CEP85L: variants seen among roughly 807,000 people sequenced by gnomAD.
CEP85L encodes the protein centrosomal protein 85L.
Under a neutral mutation model 100.3 loss-of-function variants are expected in CEP85L, and 60 were observed. That is an observed-to-expected ratio of 0.60 (90% CI 0.49 to 0.74). The LOEUF (loss-of-function observed/expected upper bound fraction) is 0.74, where lower values mean the gene tolerates loss of function less well. CEP85L is among the 30% of genes least tolerant of loss of function. The pLI, the probability that CEP85L is intolerant of heterozygous loss-of-function variation, is 0.00. For missense variants in CEP85L, 973 were observed against 936.2 expected (o/e 1.04, Z -0.51); for synonymous variants, 319 against 322.7 (o/e 0.99, Z 0.12).
chr6:118,600,992 G>C (rs1462021297), intron 2 of CEP85L, among the ~76,000 whole-genome samples: 1 of 152,134 alleles, frequency 6.6e-6, no homozygotes, highest in Non-Finnish European at 1.5e-5. Flanking sequence ...AGCATATAAA[G>C]TTGTTTCTTA....
intron 3 of CEP85L, among the ~76,000 whole-genome samples, chr6:118,548,985 C>A (rs1778372964): frequency 6.6e-6 from 1 of 151,916 alleles, no homozygotes; most frequent in Non-Finnish European, 1.5e-5. Context: ...AAAGTCCAGT[C>A]AACTTTTAAC....
chr6:118,637,673 T>G (rs1043282693), intron 1 of CEP85L, among the ~76,000 whole-genome samples: 3 of 109,466 alleles, frequency 2.7e-5, no homozygotes, highest in African/African-American at 1.1e-4. Flanking sequence ...GCCACTACAC[T>G]CCAGCCTGGG....
intron 2 of CEP85L, among the ~76,000 whole-genome samples, chr6:118,580,713 C>A (rs1271833400): frequency 1.3e-5 from 2 of 152,240 alleles, no homozygotes; most frequent in Non-Finnish European, 1.5e-5. Context: ...GACCTCTGGA[C>A]CAGACCCAGC....
At chr6:118,520,256 A>AAATCCACCTTTAATCATTT (rs1197782391) in intron 4 of CEP85L, among the ~76,000 whole-genome samples, 2 of 152,244 alleles carry the variant, frequency 1.3e-5, no homozygotes, top group African/African-American at 4.8e-5. Flanking sequence ...CTGAAAAAGT[A>AAATCCACCTTTAATCATTT]AATCCACCTT....
rs995069281 is a variant in CEP85L at position 118,593,532 on chromosome 6, C to A, written c.233-27216G>T. 2.0e-5 allele frequency among the ~76,000 whole-genome samples: 3 copies of A among 152,038 alleles called. No homozygotes were observed. In the South Asian group the frequency reaches 6.2e-4, roughly 32 times the overall value. On this transcript the variant is annotated intron_variant, in intron 2 of 12. Coordinates refer to ENST00000368491, the MANE Select transcript of CEP85L (RefSeq NM_001042475.3). ...ACCTGATCTTGTGAGAAGTCTATCA[C>A]GAGAACCGCACTAGGGGGATGATGC...
At chr6:118,607,304 C>A (rs950373439) in intron 2 of CEP85L, among the ~76,000 whole-genome samples, 1 of 152,106 alleles carries the variant, frequency 6.6e-6, no homozygotes. Flanking sequence ...GAAAGTATTG[C>A]CTGTGGCAGG....
intron 1 of CEP85L, among the ~76,000 whole-genome samples, chr6:118,643,088 A>G (rs1774979711): frequency 6.6e-6 from 1 of 152,210 alleles, no homozygotes; most frequent in Non-Finnish European, 1.5e-5. Context: ...TTTGTCCTAG[A>G]ACATAAGAAT....
chr6:118,655,100 C>T (rs1388070297), upstream of CEP85L, among the ~76,000 whole-genome samples: 2 of 152,154 alleles, frequency 1.3e-5, no homozygotes, highest in African/African-American at 4.8e-5. Context: ...TAGAAACCTT[C>T]ATTCTAGGCT....
chr6:118,512,099 C>T (rs1208093942), intron 4 of CEP85L, among the ~76,000 whole-genome samples: 1 of 151,968 alleles, frequency 6.6e-6, no homozygotes, highest in African/African-American at 2.4e-5. Context: ...ATTGGGCCAC[C>T]AGGCAATTAA....
At chr6:118,532,499 C>T (rs932388307) in intron 3 of CEP85L, among the ~76,000 whole-genome samples, 2 of 151,912 alleles carry the variant, frequency 1.3e-5, no homozygotes, top group African/African-American at 2.4e-5. Flanking sequence ...GTTATGTACC[C>T]CTGAACCCCA....
intron 3 of CEP85L, among the ~76,000 whole-genome samples, chr6:118,544,381 C>T (rs1245499241): frequency 1.3e-5 from 2 of 152,140 alleles, no homozygotes; most frequent in Non-Finnish European, 2.9e-5. Flanking sequence ...CTTATTATTA[C>T]ACGTGCTCAT....
intron 3 of CEP85L, among the ~76,000 whole-genome samples, chr6:118,551,126 C>T (rs115988096): frequency 0.012 from 1,830 of 151,970 alleles, 29 homozygotes; most frequent in African/African-American, 0.042. Flanking sequence ...AATCACATTT[C>T]GATACTTTAT....
At chr6:118,589,119 TA>T in intron 2 of CEP85L, 1 of 301,102 alleles carries the variant, frequency 3.3e-6, no homozygotes, top group Non-Finnish European at 7.0e-6. Flanking sequence ...GATGCTCAGA[TA>T]TCAGAGAAGA....
intron 3 of CEP85L, among the ~76,000 whole-genome samples, chr6:118,548,105 G>A (rs1229193898): frequency 6.6e-6 from 1 of 151,954 alleles, no homozygotes; most frequent in African/African-American, 2.4e-5. Context: ...ACCATATACT[G>A]TTTTAAATTA....
intron 2 of CEP85L, among the ~76,000 whole-genome samples, chr6:118,607,599 G>A (rs9320657): frequency 0.029 from 4,391 of 152,232 alleles, 105 homozygotes; most frequent in African/African-American, 0.056. Context: ...ATCCTCCTAA[G>A]TTGGGCCTCT....
chr6:118,526,933 A>T (rs1043125172), intron 3 of CEP85L, among the ~76,000 whole-genome samples: 3 of 152,032 alleles, frequency 2.0e-5, no homozygotes, highest in Non-Finnish European at 4.4e-5. Context: ...AGCCATAAAA[A>T]TAGCCAACCA....
chr6:118,513,276 G>A (rs981973789), intron 4 of CEP85L, among the ~76,000 whole-genome samples: 1 of 151,750 alleles, frequency 6.6e-6, no homozygotes, highest in South Asian at 2.1e-4. Flanking sequence ...TGGGAGTAGG[G>A]GACAGAAAAA....
Position 118,511,418 on chromosome 6 carries a change from G to GCCTTAGAAGTC in CEP85L, c.1140-4_1140-3insGACTTCTAAGG. ...GGTGGGTAATTTGTTGCTTCTGCCT[G>GCCTTAGAAGTC]CAAAACATAAATTAAGGTCACATTA... On this transcript the variant is annotated splice_polypyrimidine_tract_variant and splice_region_variant and intron_variant, in intron 4 of 12. Transcript: ENST00000368491. 6.3e-7 allele frequency: 1 copy of GCCTTAGAAGTC among 1,578,428 alleles called. No individual in the cohort carries two copies. The highest frequency in any genetic ancestry group is 8.7e-7 in the Non-Finnish European group (1 of 1,148,780).
At chr6:118,541,246 G>A (rs1777888963) in intron 3 of CEP85L, among the ~76,000 whole-genome samples, 1 of 152,192 alleles carries the variant, frequency 6.6e-6, no homozygotes, top group Admixed American at 6.5e-5. Flanking sequence ...ACCAACTGAA[G>A]GGCAAATTAA....
Sources: allele counts gnomAD v4.1 joint callset (sites outside exome capture counted in the v4.1 genomes callset), GRCh38; gene constraint gnomAD v4.1.1; transcripts MANE v1.5; gene names NCBI Gene and HGNC (gene_info 2026-07-23, HGNC 2026-07-21).